WDR70: variants seen among roughly 807,000 people sequenced by gnomAD.
WDR70 encodes WD repeat-containing protein 70.
WDR70 carries 53 observed loss-of-function variants against 88.6 expected under a neutral mutation model. That is an observed-to-expected ratio of 0.60 (90% CI 0.48 to 0.75). The LOEUF (loss-of-function observed/expected upper bound fraction) is 0.75, where lower values mean the gene tolerates loss of function less well. WDR70 is among the 30% of genes least tolerant of loss of function. The pLI is 0.00. For missense variants in WDR70, 610 were observed against 823.2 expected (o/e 0.74, Z 3.17); for synonymous variants, 280 against 270.0 (o/e 1.04, Z -0.36).
chr5:37,546,074 G>T (rs1741982841), intron 9 of WDR70, among the ~76,000 whole-genome samples: 1 of 152,140 alleles, frequency 6.6e-6, no homozygotes, highest in African/African-American at 2.4e-5. Context: ...GGAGTTAAAT[G>T]TATTGATCAG....
intron 8 of WDR70, chr5:37,506,871 G>A (rs555769561): frequency 1.2e-5 from 14 of 1,196,478 alleles, no homozygotes; most frequent in South Asian, 4.9e-5. Flanking sequence ...CGCTGCCCCC[G>A]GTGGGTCCTG....
rs73068474 is a variant in WDR70 at position 37,394,334 on chromosome 5, T to G, written c.297-2041T>G. On this transcript the variant is annotated intron_variant, in intron 4 of 17. Coordinates refer to ENST00000265107, the MANE Select transcript of WDR70 (RefSeq NM_018034.4). ...GTTTTAAACCAGTGCAGCTGGAAAC[T>G]TGTGCGTTAATCATAAGGGGGAAAA... 7.1e-3 allele frequency among the ~76,000 whole-genome samples: 1,081 copies of G among 151,646 alleles called. 17 individuals carry two copies. Among genetic ancestry groups the G allele is most frequent in the African/African-American group, 0.025 (1,017 of 41,164 alleles).
intron 9 of WDR70, among the ~76,000 whole-genome samples, chr5:37,598,572 T>G (rs1023839398): frequency 2.0e-5 from 3 of 152,186 alleles, no homozygotes; most frequent in African/African-American, 7.2e-5. Flanking sequence ...TGAGACAGTT[T>G]TCACAATAAG....
intron 5 of WDR70, among the ~76,000 whole-genome samples, chr5:37,435,558 G>C (rs1750441877): frequency 6.6e-6 from 1 of 152,022 alleles, no homozygotes; most frequent in African/African-American, 2.4e-5. Flanking sequence ...TCTTTGTCTT[G>C]AAAAAAACTG....
intron 10 of WDR70, among the ~76,000 whole-genome samples, chr5:37,686,969 T>C (rs962943948): frequency 9.3e-5 from 14 of 150,260 alleles, no homozygotes; most frequent in Admixed American, 8.0e-4. Context: ...ATAATAATAA[T>C]AATAATAATA....
At chr5:37,506,324 G>C (rs1740559904) in intron 8 of WDR70, 2 of 908,224 alleles carry the variant, frequency 2.2e-6, no homozygotes, top group South Asian at 1.3e-5. Context: ...CAATCAGTGA[G>C]TCAATACCAA....
chr5:37,733,559 T>A (rs529670895), intron 17 of WDR70, among the ~76,000 whole-genome samples: 4 of 152,170 alleles, frequency 2.6e-5, no homozygotes, highest in African/African-American at 9.6e-5. Flanking sequence ...AATTTCTGGG[T>A]TCTCTGTTCT....
At chr5:37,411,174 T>G (rs1280186515) in intron 5 of WDR70, among the ~76,000 whole-genome samples, 1 of 152,176 alleles carries the variant, frequency 6.6e-6, no homozygotes, top group Non-Finnish European at 1.5e-5. Flanking sequence ...TTGCTCAGGT[T>G]GGTCTCAAAA....
chr5:37,720,871 A>G (rs1442534777), intron 13 of WDR70, among the ~76,000 whole-genome samples: 2 of 152,204 alleles, frequency 1.3e-5, no homozygotes, highest in African/African-American at 2.4e-5. Flanking sequence ...CTGTCCAGAA[A>G]GGGAGATAAT....
At chr5:37,557,909 T>A (rs1289879664) in intron 9 of WDR70, among the ~76,000 whole-genome samples, 2 of 131,590 alleles carry the variant, frequency 1.5e-5, no homozygotes, top group Non-Finnish European at 1.7e-5. Flanking sequence ...TTATACTCTT[T>A]TGAAAACTCT....
chr5:37,486,262 C>T (rs1739865188), intron 8 of WDR70, among the ~76,000 whole-genome samples: 1 of 152,160 alleles, frequency 6.6e-6, no homozygotes, highest in Non-Finnish European at 1.5e-5. Flanking sequence ...CTCTCAAACC[C>T]TCATAAGGAT....
chr5:37,641,131 A>G (rs955429596), intron 10 of WDR70, among the ~76,000 whole-genome samples: 11 of 152,252 alleles, frequency 7.2e-5, no homozygotes, highest in Admixed American at 5.2e-4. Context: ...TTTCCCCCTG[A>G]CACAATTTCA....
At chr5:37,737,526 C>T (rs549726593) in intron 17 of WDR70, among the ~76,000 whole-genome samples, 1 of 152,302 alleles carries the variant, frequency 6.6e-6, no homozygotes, top group East Asian at 1.9e-4. Flanking sequence ...TTCAGCTCCG[C>T]CACCCCCTGG....
chr5:37,447,770 C>G (rs1005139029), intron 7 of WDR70, among the ~76,000 whole-genome samples: 6 of 152,132 alleles, frequency 3.9e-5, no homozygotes, highest in African/African-American at 1.4e-4. Context: ...GGGAACATCA[C>G]ACACCGGGGC....
intron 9 of WDR70, among the ~76,000 whole-genome samples, chr5:37,558,846 T>C (rs1742396678): frequency 6.6e-6 from 1 of 152,086 alleles, no homozygotes; most frequent in Non-Finnish European, 1.5e-5. Context: ...CTTATTCCCA[T>C]CCTTACCTCT....
At chr5:37,486,959 CAAG>C (rs1739893499) in intron 8 of WDR70, among the ~76,000 whole-genome samples, 1 of 152,118 alleles carries the variant, frequency 6.6e-6, no homozygotes, top group Non-Finnish European at 1.5e-5. Context: ...GCAGAAGCTT[CAAG>C]AAGAAAGGAA....
intron 10 of WDR70, among the ~76,000 whole-genome samples, chr5:37,625,909 G>A (rs576891228): frequency 5.3e-5 from 8 of 151,070 alleles, no homozygotes; most frequent in Non-Finnish European, 1.0e-4. Context: ...TATTAGATGA[G>A]TAGTTCATTA....
chr5:37,625,295 A>G (rs1489428703), intron 10 of WDR70, among the ~76,000 whole-genome samples: 2 of 152,142 alleles, frequency 1.3e-5, no homozygotes, highest in Admixed American at 6.6e-5. Context: ...GTTCCCACCA[A>G]TAGTGTATGA....
At chr5:37,570,184 G>A (rs567894389) in intron 9 of WDR70, among the ~76,000 whole-genome samples, 10 of 152,066 alleles carry the variant, frequency 6.6e-5, no homozygotes, top group Non-Finnish European at 1.3e-4. Flanking sequence ...CTAGTGAAAG[G>A]CAAAATTGAC....
Sources: gnomAD v4.1 joint callset for allele counts (sites outside exome capture counted in the v4.1 genomes callset) on GRCh38, gnomAD v4.1.1 for gene constraint, MANE v1.5 for transcripts, NCBI Gene and HGNC (gene_info 2026-07-23, HGNC 2026-07-21) for gene names.